Variants in RASGEF1C observed in about 807,000 individuals in gnomAD.
The protein encoded by RASGEF1C is RasGEF domain family member 1C, also known as ras-GEF domain-containing family member 1C.
A neutral mutation model predicts 58.1 loss-of-function variants in RASGEF1C; 27 were observed. The ratio of observed to expected loss-of-function variants is 0.46; its 90% CI spans 0.34 to 0.64. The LOEUF is 0.64. RASGEF1C is among the 30% of genes least tolerant of loss of function. The pLI is 0.01. For synonymous variants in RASGEF1C, 243 were observed against 246.3 expected (o/e 0.99, Z 0.13); for missense variants, 502 against 605.1 (o/e 0.83, Z 1.79).
In RASGEF1C at chr5:180,137,180, T is replaced by A. The variant is rs1766496508; in HGVS notation, c.300+410A>T. On this transcript the variant is annotated intron_variant, in intron 3 of 13. Transcript: ENST00000361132. The surrounding 1 kb of genome is among the most constrained non-coding windows in gnomAD (Gnocchi z 4.1). The stretch of plus-strand genomic sequence containing the variant: ...CCTTTTGGTTCAGGCGGGTTGAAGT[T>A]GGGTCTCTCCCACTAGCGGTAGAGC... 6.6e-6 allele frequency among the ~76,000 whole-genome samples: 1 copy of A among 152,050 alleles called. No individual in the cohort carries two copies. Among genetic ancestry groups the A allele is most frequent in the Non-Finnish European group, 1.5e-5 (1 of 68,016 alleles).
At chr5:180,163,528 G>A (rs1044972224) in intron 1 of RASGEF1C, among the ~76,000 whole-genome samples, 10 of 151,892 alleles carry the variant, frequency 6.6e-5, no homozygotes, top group Non-Finnish European at 1.3e-4. Flanking sequence ...ATCAATTGCT[G>A]TGATGCTTTT....
chr5:180,182,821 TCTCA>T (rs1482740274), intron 1 of RASGEF1C, among the ~76,000 whole-genome samples: 2 of 152,192 alleles, frequency 1.3e-5, no homozygotes, highest in Admixed American at 6.5e-5. Flanking sequence ...TGGCTTCACC[TCTCA>T]CTATCACCTG....
intron 12 of RASGEF1C, among the ~76,000 whole-genome samples, chr5:180,110,392 CTT>C (rs67020657): frequency 1.4e-4 from 19 of 132,228 alleles, no homozygotes; most frequent in South Asian, 2.4e-4. Flanking sequence ...ATCCTTCTCC[CTT>C]TTTTTTTTTT....
intron 1 of RASGEF1C, among the ~76,000 whole-genome samples, chr5:180,179,852 C>T (rs778130004): frequency 2.0e-5 from 3 of 152,248 alleles, no homozygotes; most frequent in Non-Finnish European, 4.4e-5. Flanking sequence ...ATAGCAGACT[C>T]ATGATGTGGA....
intron 1 of RASGEF1C, among the ~76,000 whole-genome samples, chr5:180,173,852 G>A (rs967880965): frequency 2.6e-5 from 4 of 151,910 alleles, no homozygotes; most frequent in Non-Finnish European, 5.9e-5. Flanking sequence ...GGCGGAGTTT[G>A]CAGTGAGCTG....
intron 1 of RASGEF1C, among the ~76,000 whole-genome samples, chr5:180,206,368 G>A (rs1219952793): frequency 6.6e-6 from 1 of 152,200 alleles, no homozygotes; most frequent in Non-Finnish European, 1.5e-5. Context: ...CCAAATCTAT[G>A]TGAAAAGATG....
At chr5:180,208,283 A>T (rs1561762288) in intron 1 of RASGEF1C, among the ~76,000 whole-genome samples, 1 of 152,090 alleles carries the variant, frequency 6.6e-6, no homozygotes, top group Non-Finnish European at 1.5e-5. Flanking sequence ...CCCAGGAGGC[A>T]GGAGATACGG....
At chr5:180,157,767 T>C (rs1365000888) in intron 1 of RASGEF1C, among the ~76,000 whole-genome samples, 1 of 152,062 alleles carries the variant, frequency 6.6e-6, no homozygotes, top group Non-Finnish European at 1.5e-5. Flanking sequence ...AACATGAACA[T>C]TTATGGAGGC....
intron 6 of RASGEF1C, among the ~76,000 whole-genome samples, chr5:180,121,902 T>G (rs1561734708): frequency 1.3e-5 from 2 of 152,196 alleles, no homozygotes; most frequent in Non-Finnish European, 2.9e-5. Context: ...TCATGTCCTT[T>G]GCATTTTCAT....
At chr5:180,119,827 G>C (rs1561733840) in intron 7 of RASGEF1C, among the ~76,000 whole-genome samples, 1 of 152,192 alleles carries the variant, frequency 6.6e-6, no homozygotes, top group Non-Finnish European at 1.5e-5. Context: ...CCTCTCACTG[G>C]GGTACAAGTT....
At position 180,138,053 on chromosome 5, in the gene RASGEF1C, G is replaced by A. The variant is rs1766517080; in HGVS notation, c.-1C>T. On this transcript the variant is annotated 5_prime_UTR_variant, in exon 2 of 14. Coordinates refer to ENST00000361132, the MANE Select transcript of RASGEF1C (RefSeq NM_175062.4). ...CGGAGGCACTCAGCGTCTGTGGCAT[G>A]TCTGCCTGCAATGGCAAGGAGCAGT... 1.3e-6 allele frequency: 2 copies of A among 1,493,594 alleles called. No individual in the cohort carries two copies. Among genetic ancestry groups the A allele is most frequent in the Admixed American group, 2.5e-5 (1 of 40,682 alleles). The allele number at this position is 1,493,594 out of a possible 1,614,324, so 92.5% of individuals were successfully genotyped here. A position where few individuals can be genotyped will look rare whatever the true frequency, so the allele number is the denominator to read the frequency against.
At chr5:180,208,232 C>T (rs147810650) in intron 1 of RASGEF1C, among the ~76,000 whole-genome samples, 3,260 of 152,196 alleles carry the variant, frequency 0.021, 53 homozygotes, top group Non-Finnish European at 0.033. Context: ...CAGGACTCTT[C>T]TCAGGCTCCC....
chr5:180,167,526 T>C (rs1479369799), intron 1 of RASGEF1C, among the ~76,000 whole-genome samples: 2 of 152,084 alleles, frequency 1.3e-5, no homozygotes, highest in Non-Finnish European at 2.9e-5. Context: ...ATTAATTAAA[T>C]AAAATTTTGG....
rs1309250486 is a variant in RASGEF1C, at chr5:180,156,941, A to G, written c.-6-18883T>C. 6.6e-6 allele frequency among the ~76,000 whole-genome samples: 1 copy of G among 152,236 alleles called. No individual in the cohort carries two copies. Among genetic ancestry groups the G allele is most frequent in the Admixed American group, 6.5e-5 (1 of 15,290 alleles). On this transcript the variant is annotated intron_variant, in intron 1 of 13. Coordinates refer to ENST00000361132, the MANE Select transcript of RASGEF1C (RefSeq NM_175062.4). The surrounding 1 kb of genome is among the most constrained non-coding windows in gnomAD (Gnocchi z 4.9). ...AAGGTGCTTCACATCATATGTCATC[A>G]GGGAAATGCAAATTAGAACAAGATA...
In RASGEF1C at chr5:180,103,901, T is replaced by G. The variant is rs1467424802; in HGVS notation, c.1304-1758A>C. On this transcript the variant is annotated intron_variant, in intron 12 of 13. Transcript: ENST00000361132. ...TACCATAAATGCGTGTAGAAATTTG[T>G]CAAATGCCTTTTCTGCATTGATTAA... Among the ~76,000 whole-genome samples, 5 of 152,376 alleles carry G rather than the reference T, an allele frequency of 3.3e-5. No individual in the cohort carries two copies. The East Asian group carries it at 9.6e-4, about 29-fold the overall frequency.
At chr5:180,174,487 TGC>T (rs1554114708) in intron 1 of RASGEF1C, among the ~76,000 whole-genome samples, 1 of 126,156 alleles carries the variant, frequency 7.9e-6, no homozygotes, top group South Asian at 2.8e-4. Flanking sequence ...TGTCTGTGTG[TGC>T]GCGTGTGTGT....
At chr5:180,199,526 G>A (rs886875615) in intron 1 of RASGEF1C, among the ~76,000 whole-genome samples, 3 of 152,194 alleles carry the variant, frequency 2.0e-5, no homozygotes, top group East Asian at 1.9e-4. Context: ...TCCGTCCCAC[G>A]CTTAGCGACA....
chr5:180,200,682 T>C (rs1357840175), intron 1 of RASGEF1C, among the ~76,000 whole-genome samples: 1 of 152,032 alleles, frequency 6.6e-6, no homozygotes, highest in Non-Finnish European at 1.5e-5. Flanking sequence ...CCAGAGATAA[T>C]GGTGGCCACC....
chr5:180,101,643 A>G (rs923644046), intron 13 of RASGEF1C, 118 bp from the exon 14 acceptor site: 1 of 1,285,290 alleles, frequency 7.8e-7, no homozygotes, highest in East Asian at 2.5e-5. Flanking sequence ...CCTGCCCCAG[A>G]GGGGTGTTCT....
Sources: gnomAD v4.1 joint callset for allele counts (sites outside exome capture counted in the v4.1 genomes callset) on GRCh38, gnomAD v4.1.1 for gene constraint, Gnocchi (gnomAD v3.1) non-coding constraint, MANE v1.5 for transcripts, NCBI Gene and HGNC (gene_info 2026-07-23, HGNC 2026-07-21) for gene names.